RANBP17: variants seen among roughly 807,000 people sequenced by gnomAD.
RANBP17 encodes ran-binding protein 17.
In RANBP17, 158 loss-of-function variants were observed where a neutral mutation model predicts 141.2. That is an observed-to-expected ratio of 1.12 (90% CI 0.98 to 1.28). The LOEUF (loss-of-function observed/expected upper bound fraction) is 1.28, where lower values mean the gene tolerates loss of function less well. Ranked by LOEUF, RANBP17 falls within the 50% of genes most tolerant of loss-of-function variation. RANBP17 has a pLI of 0.00. For synonymous variants in RANBP17, 430 were observed against 450.0 expected, an observed-to-expected ratio of 0.96 and a Z score of 0.56; for missense variants, 1,438 against 1,290.7, an observed-to-expected ratio of 1.11 and a Z score of -1.75.
rs1768822224 is a variant in RANBP17, at chr5:170,882,765, AACTTT to A, written c.256+874_256+878del. Among the ~76,000 whole-genome samples the A allele has an allele frequency of 3.9e-5, 6 of 152,324 alleles. No homozygotes were observed. In the South Asian group the frequency reaches 1.0e-3, roughly 26 times the overall value. ...TTTATATATGGATAAACAGTCTTGG[AACTTT>A]ACTTGAAAAAATGATTTTATAAAGT... On this transcript the variant is annotated intron_variant, in intron 3 of 27. Coordinates refer to ENST00000523189, the MANE Select transcript of RANBP17 (RefSeq NM_022897.5).
chr5:171,134,724 C>A (rs1757153634), intron 14 of RANBP17, among the ~76,000 whole-genome samples: 1 of 152,092 alleles, frequency 6.6e-6, no homozygotes, highest in South Asian at 2.1e-4. Context: ...AGTTCAAGAC[C>A]AGCCTGGGCA....
chr5:171,277,649 A>ATATATATATATATATT (rs1561823493), intron 25 of RANBP17, among the ~76,000 whole-genome samples: 11 of 125,076 alleles, frequency 8.8e-5, no homozygotes, highest in African/African-American at 3.0e-4. Context: ...ATATATATAT[A>ATATATATATATATATT]TATATATATA....
chr5:171,234,278 G>C (rs528758190), intron 22 of RANBP17, among the ~76,000 whole-genome samples: 1 of 152,202 alleles, frequency 6.6e-6, no homozygotes, highest in Admixed American at 6.5e-5. Flanking sequence ...TTGTCTGAAG[G>C]GCAGCAAGGA....
At chr5:170,882,606 T>C (rs1007969377) in intron 3 of RANBP17, among the ~76,000 whole-genome samples, 2 of 152,262 alleles carry the variant, frequency 1.3e-5, no homozygotes, top group Middle Eastern at 3.4e-3. Context: ...AGTCCAGGCT[T>C]TTAGTCATTA....
intron 25 of RANBP17, among the ~76,000 whole-genome samples, chr5:171,292,087 C>G (rs1432582427): frequency 3.9e-5 from 6 of 152,128 alleles, no homozygotes; most frequent in Admixed American, 3.3e-4. Flanking sequence ...CTAGATGGAT[C>G]TGTTAGTTTT....
intron 25 of RANBP17, among the ~76,000 whole-genome samples, chr5:171,285,069 TG>T (rs1561829676): frequency 1.3e-5 from 2 of 152,266 alleles, no homozygotes; most frequent in African/African-American, 4.8e-5. Context: ...AAAAACCTCC[TG>T]TGCATGGGCT....
At chr5:170,929,878 T>C (rs1773207803) in intron 12 of RANBP17, among the ~76,000 whole-genome samples, 1 of 152,198 alleles carries the variant, frequency 6.6e-6, no homozygotes, top group African/African-American at 2.4e-5. Context: ...TTAATCAGCA[T>C]AGAACTATTC....
chr5:171,204,136 A>G (rs1762446868), intron 19 of RANBP17, among the ~76,000 whole-genome samples: 2 of 152,220 alleles, frequency 1.3e-5, no homozygotes, highest in African/African-American at 4.8e-5. Flanking sequence ...TGGTGAGAGT[A>G]TGAGAAAAAA....
intron 13 of RANBP17, among the ~76,000 whole-genome samples, chr5:170,966,036 T>A (rs1190898755): frequency 2.6e-5 from 4 of 152,108 alleles, no homozygotes; most frequent in Admixed American, 6.6e-5. Context: ...GGCTCTGAAA[T>A]TGTGGCAATA....
rs137985881 is a variant in RANBP17, at chr5:170,927,453, T to C, written c.1468+2903T>C. On this transcript the variant is annotated intron_variant, in intron 12 of 27. Transcript: ENST00000523189. ...ATGGTTTTTCAGTATAATTTAACTT[T>C]GCATTTTTCTTATCAGTGAGGTTGT... 4.1e-3 allele frequency among the ~76,000 whole-genome samples: 620 copies of C among 152,232 alleles called. 16 individuals are homozygous for C. The highest frequency in any genetic ancestry group is 0.037 in the Admixed American group (571 of 15,270).
At chr5:171,091,644 G>A (rs1263413487) in intron 14 of RANBP17, among the ~76,000 whole-genome samples, 1 of 152,178 alleles carries the variant, frequency 6.6e-6, no homozygotes, top group African/African-American at 2.4e-5. Flanking sequence ...CATGTGTTGT[G>A]GGAGGGACCT....
At chr5:171,101,406 G>A (rs1039145368) in intron 14 of RANBP17, among the ~76,000 whole-genome samples, 4 of 152,000 alleles carry the variant, frequency 2.6e-5, no homozygotes, top group Admixed American at 2.6e-4. Flanking sequence ...TTTATCAAGG[G>A]CGAAGATTGC....
At chr5:171,273,645 C>T (rs1767273360) in intron 25 of RANBP17, among the ~76,000 whole-genome samples, 1 of 152,080 alleles carries the variant, frequency 6.6e-6, no homozygotes. Flanking sequence ...AAAATTGAAA[C>T]ATTTGGCAGG....
chr5:171,058,539 A>C (rs1034795497), intron 14 of RANBP17, among the ~76,000 whole-genome samples: 1 of 151,246 alleles, frequency 6.6e-6, no homozygotes, highest in African/African-American at 2.4e-5. Flanking sequence ...TATGTGCCAC[A>C]TTTTCTTAAT....
At chr5:170,936,085 C>G (rs1165022270) in intron 12 of RANBP17, among the ~76,000 whole-genome samples, 2 of 152,162 alleles carry the variant, frequency 1.3e-5, no homozygotes, top group East Asian at 3.9e-4. Flanking sequence ...GGCATGGGAC[C>G]CTCCGAGCTA....
intron 14 of RANBP17, among the ~76,000 whole-genome samples, chr5:170,977,494 T>G (rs1278325986): frequency 6.6e-6 from 1 of 152,090 alleles, no homozygotes; most frequent in Non-Finnish European, 1.5e-5. Flanking sequence ...TACTCTTATG[T>G]ATATATCCAA....
chr5:170,975,620 C>G (rs574331045), intron 14 of RANBP17, among the ~76,000 whole-genome samples: 1 of 152,316 alleles, frequency 6.6e-6, no homozygotes, highest in African/African-American at 2.4e-5. Context: ...AACAATTCTT[C>G]TAGGTTCTTT....
chr5:171,190,987 G>A (rs188927736), intron 18 of RANBP17, among the ~76,000 whole-genome samples: 6 of 152,204 alleles, frequency 3.9e-5, no homozygotes, highest in East Asian at 1.9e-4. Flanking sequence ...TGCATTCCTC[G>A]GGTATTTAAA....
In RANBP17 at chr5:171,148,693, C is replaced by G. The variant is rs1758259806; in HGVS notation, c.1711-21437C>G. On this transcript the variant is annotated intron_variant, in intron 14 of 27. Coordinates refer to ENST00000523189, the MANE Select transcript of RANBP17 (RefSeq NM_022897.5). ...AGTATGGGCTTTGACATTATTCTGA[C>G]TTGGGTTTAAGTCCCAGCCCTGTCA... 2.6e-5 allele frequency among the ~76,000 whole-genome samples: 4 copies of G among 151,904 alleles called. No individual in the cohort carries two copies. In the South Asian group the frequency reaches 8.3e-4, roughly 32 times the overall value.
Sources: gnomAD v4.1 joint callset for allele counts (sites outside exome capture counted in the v4.1 genomes callset) on GRCh38, gnomAD v4.1.1 for gene constraint, MANE v1.5 for transcripts, NCBI Gene and HGNC (gene_info 2026-07-23, HGNC 2026-07-21) for gene names.